ADAM18: variants seen among roughly 807,000 people sequenced by gnomAD.
ADAM18 encodes the protein ADAM metallopeptidase domain 18, also known as disintegrin and metalloproteinase domain-containing protein 18.
In ADAM18, 117 loss-of-function variants were observed where a neutral mutation model predicts 94.4. That is an observed-to-expected ratio of 1.24 (90% CI 1.07 to 1.45). The LOEUF (loss-of-function observed/expected upper bound fraction) is 1.45. Among genes scored for constraint, ADAM18 ranks in the 40% most tolerant of loss-of-function variants. The probability of loss-of-function intolerance (pLI) is 0.00; values close to 1 mark genes in which losing one functional copy is unlikely to be tolerated. For synonymous variants in ADAM18, 327 were observed against 291.6 expected (o/e 1.12, Z -1.24); for missense variants, 936 against 880.0 (o/e 1.06, Z -0.81).
chr8:39,673,479 C>G (rs1455196148), intron 14 of ADAM18, among the ~76,000 whole-genome samples: 2 of 152,082 alleles, frequency 1.3e-5, no homozygotes, highest in Non-Finnish European at 2.9e-5. Flanking sequence ...CACCCCACCC[C>G]CCAACAAGCC....
At chr8:39,697,232 AC>A (rs955538554) in intron 17 of ADAM18, among the ~76,000 whole-genome samples, 5 of 151,666 alleles carry the variant, frequency 3.3e-5, no homozygotes, top group Admixed American at 1.3e-4. Flanking sequence ...GTATCCTGCA[AC>A]TTTGTTAATT....
At chr8:39,623,877 T>G (rs1819689473) in intron 6 of ADAM18, among the ~76,000 whole-genome samples, 1 of 152,236 alleles carries the variant, frequency 6.6e-6, no homozygotes, top group Non-Finnish European at 1.5e-5. Flanking sequence ...ATTATCATTA[T>G]AGTTTTAATT....
chr8:39,664,358 G>T (rs1399744140), intron 13 of ADAM18, among the ~76,000 whole-genome samples: 1 of 152,064 alleles, frequency 6.6e-6, no homozygotes, highest in African/African-American at 2.4e-5. Context: ...AAAAATATAT[G>T]AGAAGATGTG....
At chr8:39,611,214 C>G in intron 6 of ADAM18, 2 of 577,958 alleles carry the variant, frequency 3.5e-6, no homozygotes, top group Non-Finnish European at 4.4e-6. Flanking sequence ...TAAAAATATT[C>G]TATTATTCTT....
intron 6 of ADAM18, among the ~76,000 whole-genome samples, chr8:39,617,783 A>T (rs960382388): frequency 1.3e-5 from 2 of 152,082 alleles, no homozygotes; most frequent in African/African-American, 4.8e-5. Context: ...TGGGAGGTAA[A>T]CATCGAGTAC....
At chr8:39,595,831 G>A (rs1287059081) in intron 2 of ADAM18, among the ~76,000 whole-genome samples, 1 of 152,042 alleles carries the variant, frequency 6.6e-6, no homozygotes, top group East Asian at 1.9e-4. Flanking sequence ...GCCTGAACTA[G>A]TTATTGCTCA....
intron 16 of ADAM18, among the ~76,000 whole-genome samples, chr8:39,691,012 A>G (rs1427939882): frequency 2.0e-5 from 3 of 152,196 alleles, no homozygotes; most frequent in African/African-American, 7.2e-5. Context: ...ATGGAATACT[A>G]TGCAGTCCTA....
chr8:39,702,089 A>G (rs1822096546), intron 17 of ADAM18, among the ~76,000 whole-genome samples: 1 of 152,186 alleles, frequency 6.6e-6, no homozygotes, highest in Admixed American at 6.5e-5. Context: ...GGCTGAACTA[A>G]TTAACACTCC....
At chr8:39,634,856 G>C (rs1820035806) in intron 7 of ADAM18, among the ~76,000 whole-genome samples, 1 of 152,132 alleles carries the variant, frequency 6.6e-6, no homozygotes, top group Non-Finnish European at 1.5e-5. Flanking sequence ...GATTTTTTAG[G>C]ACTATTTGGA....
chr8:39,676,846 T>C (rs754714936), intron 14 of ADAM18, among the ~76,000 whole-genome samples: 1 of 152,244 alleles, frequency 6.6e-6, no homozygotes, highest in African/African-American at 2.4e-5. Flanking sequence ...ATAGAGTGGA[T>C]AACAGGATTC....
chr8:39,718,723 G>T (rs1018168479), intron 18 of ADAM18, among the ~76,000 whole-genome samples: 4 of 142,222 alleles, frequency 2.8e-5, no homozygotes, highest in Non-Finnish European at 6.4e-5. Flanking sequence ...CTACACAAAA[G>T]AAAATAAAAA....
At chr8:39,714,674 CTA>C (rs1406182468) in intron 18 of ADAM18, among the ~76,000 whole-genome samples, 1 of 152,046 alleles carries the variant, frequency 6.6e-6, no homozygotes. Flanking sequence ...TAAGAGTTGA[CTA>C]GTCTAACTCC....
chr8:39,680,508 G>A (rs1821425441), intron 16 of ADAM18, among the ~76,000 whole-genome samples: 1 of 152,126 alleles, frequency 6.6e-6, no homozygotes, highest in Admixed American at 6.5e-5. Flanking sequence ...ATTGTAAAAT[G>A]CTAATACAAA....
chr8:39,681,683 T>C (rs781364955), intron 16 of ADAM18, among the ~76,000 whole-genome samples: 4 of 152,126 alleles, frequency 2.6e-5, no homozygotes. Flanking sequence ...TCATATTGCC[T>C]GAAACAGACC....
intron 12 of ADAM18, 21 bp downstream of exon 12, chr8:39,648,548 C>G (rs767594851): frequency 6.4e-7 from 1 of 1,574,252 alleles, no homozygotes; most frequent in Admixed American, 1.9e-5. Context: ...AAGATTGAAA[C>G]TCGAGCACAA....
intron 18 of ADAM18, among the ~76,000 whole-genome samples, chr8:39,722,547 GA>G: frequency 6.6e-6 from 1 of 151,312 alleles, no homozygotes; most frequent in Admixed American, 6.6e-5. Flanking sequence ...AAAGAGATAT[GA>G]AGGGTGAAAA....
intron 16 of ADAM18, chr8:39,685,064 C>G (rs1821573439): frequency 6.6e-6 from 1 of 152,224 alleles, no homozygotes; most frequent in African/African-American, 2.4e-5. Flanking sequence ...AGTTTCTAGT[C>G]AGCTGATGCT....
At chr8:39,611,048 A>G (rs753086938) in intron 6 of ADAM18, 9 of 1,038,200 alleles carry the variant, frequency 8.7e-6, no homozygotes, top group Non-Finnish European at 1.0e-5. Context: ...CTTACATACT[A>G]CCTGAACATA....
At chr8:39,669,353 G>A (rs1821087380) in intron 14 of ADAM18, among the ~76,000 whole-genome samples, 1 of 148,344 alleles carries the variant, frequency 6.7e-6, no homozygotes, top group Non-Finnish European at 1.5e-5. Flanking sequence ...TAGGGTACAT[G>A]TGCACAACAT....
Sources: gnomAD v4.1 joint callset for allele counts (sites outside exome capture counted in the v4.1 genomes callset) on GRCh38, gnomAD v4.1.1 for gene constraint, MANE v1.5 for transcripts, NCBI Gene and HGNC (gene_info 2026-07-23, HGNC 2026-07-21) for gene names.